The following GLIS3 variants were observed in gnomAD, a reference collection of about 807,000 sequenced individuals.
GLIS3 encodes the protein zinc finger protein GLIS3.
A neutral mutation model predicts 78.6 loss-of-function variants in GLIS3; 53 were observed. The ratio of observed to expected loss-of-function variants is 0.67; its 90% CI spans 0.54 to 0.85. GLIS3 has a LOEUF of 0.85. GLIS3 is among the 40% of genes least tolerant of loss of function. GLIS3 has a pLI of 0.00. For missense variants in GLIS3, 1,703 were observed against 1,231.1 expected (o/e 1.38, Z -5.74); for synonymous variants, 684 against 509.9 (o/e 1.34, Z -4.60).
At chr9:4,333,238 G>GAGGGGAAGGAAAGGAAA (rs149797439) in intron 2 of GLIS3, among the ~76,000 whole-genome samples, 98,390 of 144,774 alleles carry the variant, frequency 0.68, 34,526 homozygotes, top group Non-Finnish European at 0.78. Flanking sequence ...AGGAAAAGTG[G>GAGGGGAAGGAAAGGAAA]AGGGGAAGGA....
chr9:3,850,052 T>A (rs1563774002), intron 9 of GLIS3, among the ~76,000 whole-genome samples: 4 of 152,186 alleles, frequency 2.6e-5, no homozygotes, highest in Admixed American at 1.3e-4. Context: ...CTTTGAGAAA[T>A]CTAAAATTGG....
the GLIS3 span, among the ~76,000 whole-genome samples, chr9:4,374,873 A>G: frequency 6.6e-6 from 1 of 152,156 alleles, no homozygotes; most frequent in East Asian, 1.9e-4. Flanking sequence ...TGAATATACT[A>G]TTTTGCCATC....
the GLIS3 span, among the ~76,000 whole-genome samples, chr9:4,375,693 G>A: frequency 1.3e-5 from 2 of 152,160 alleles, no homozygotes; most frequent in African/African-American, 2.4e-5. Context: ...TTGTCTAGTG[G>A]CTTTTTAAAA....
chr9:3,981,344 G>C (rs778160176), intron 4 of GLIS3, among the ~76,000 whole-genome samples: 2 of 152,194 alleles, frequency 1.3e-5, no homozygotes, highest in Non-Finnish European at 2.9e-5. Context: ...ATTTGTCAGA[G>C]AGAAGTCGAC....
intron 2 of GLIS3, among the ~76,000 whole-genome samples, chr9:4,322,859 G>C (rs1189519917): frequency 1.3e-5 from 2 of 152,146 alleles, no homozygotes; most frequent in African/African-American, 4.8e-5. Context: ...CATTCTGTAG[G>C]TTGCCTGTTC....
rs1420497571 is a variant in GLIS3 at position 3,827,930 on chromosome 9, C to A, written c.*342G>T. 4 of 346,174 alleles carry A rather than the reference C, an allele frequency of 1.2e-5. No individual in the cohort carries two copies. The East Asian group carries it at 2.1e-4, about 18-fold the overall frequency. The allele number at this position is 346,174 out of a possible 1,614,324, so 21.4% of individuals were successfully genotyped here. ...TGGAGTTTTCAGGTAGAGTCATCCC[C>A]AAACTACATTTTCATATGCACATCA... On this transcript the variant is annotated 3_prime_UTR_variant, in exon 11 of 11. Coordinates refer to ENST00000381971, the MANE Select transcript of GLIS3 (RefSeq NM_001042413.2).
chr9:4,251,280 C>A (rs180921189), intron 2 of GLIS3, among the ~76,000 whole-genome samples: 4 of 152,312 alleles, frequency 2.6e-5, no homozygotes, highest in South Asian at 2.1e-4. Context: ...CTTTATGAAT[C>A]TGGGTCCTCC....
chr9:3,928,697 T>A (rs994165938), intron 6 of GLIS3, among the ~76,000 whole-genome samples: 1 of 152,230 alleles, frequency 6.6e-6, no homozygotes, highest in Non-Finnish European at 1.5e-5. Context: ...TAAATGTGTG[T>A]TGCATTCGCG....
the GLIS3 span, among the ~76,000 whole-genome samples, chr9:4,431,486 G>A: frequency 6.6e-6 from 1 of 152,234 alleles, no homozygotes; most frequent in Admixed American, 6.5e-5. Flanking sequence ...TCAGGGAGTC[G>A]GGATCTTTTC....
chr9:4,125,921 G>A lies in GLIS3; in HGVS notation c.409C>T (p.Gln137Ter), dbSNP rs777859324. Residue 137 changes from glutamine (Q) to a stop codon, truncating the protein, a stop_gained, in exon 3 of 11, where the codon CAG (glutamine) becomes TAG (stop). Transcript: ENST00000381971. LOFTEE classifies it high-confidence loss of function. ...PGKGALGFGP[Q>*]CKSIGKGSCN... ...CTGCCTTTTCCAATGGACTTGCACT[G>A]AGGCCCAAAGCCAAGAGCCCCTAAA... 1.9e-6 allele frequency: 3 copies of A among 1,613,854 alleles called. No individual in the cohort carries two copies. Among genetic ancestry groups the A allele is most frequent in the Non-Finnish European group, 2.5e-6 (3 of 1,179,908 alleles).
At chr9:4,300,718 T>G (rs969288796), upstream of GLIS3, among the ~76,000 whole-genome samples, 1 of 151,690 alleles carries the variant, frequency 6.6e-6, no homozygotes. Context: ...CCACCTAAGC[T>G]CTGACTCGCC....
chr9:4,252,571 A>G (rs1481521063), intron 2 of GLIS3, among the ~76,000 whole-genome samples: 3 of 151,936 alleles, frequency 2.0e-5, no homozygotes, highest in African/African-American at 7.3e-5. Context: ...CTTCCTCCAG[A>G]GGAGTTTGTT....
chr9:4,303,439 A>G (rs1385561979), upstream of GLIS3, among the ~76,000 whole-genome samples: 1 of 152,208 alleles, frequency 6.6e-6, no homozygotes, highest in Non-Finnish European at 1.5e-5. Flanking sequence ...ATTTCACATT[A>G]TGTTATCAGT....
At chr9:3,920,703 T>C (rs566213302) in intron 6 of GLIS3, among the ~76,000 whole-genome samples, 14 of 151,980 alleles carry the variant, frequency 9.2e-5, no homozygotes, top group African/African-American at 3.4e-4. Flanking sequence ...CCGATTTCTA[T>C]ATTTGCTTAT....
chr9:4,279,860 T>G (rs1311577499), intron 2 of GLIS3, among the ~76,000 whole-genome samples: 4 of 151,060 alleles, frequency 2.6e-5, no homozygotes, highest in Non-Finnish European at 4.4e-5. Flanking sequence ...GCTAAAGAGA[T>G]ATGACAACCA....
At chr9:3,973,097 G>A (rs1818509350) in intron 4 of GLIS3, among the ~76,000 whole-genome samples, 1 of 152,140 alleles carries the variant, frequency 6.6e-6, no homozygotes, top group African/African-American at 2.4e-5. Flanking sequence ...GTTTATTACA[G>A]AGAAAAAATA....
chr9:4,260,402 TAAA>T (rs1425090180), intron 2 of GLIS3, among the ~76,000 whole-genome samples: 1 of 151,652 alleles, frequency 6.6e-6, no homozygotes, highest in South Asian at 2.1e-4. Flanking sequence ...CCAACTCTAC[TAAA>T]AAAATACAAG....
At chr9:3,926,424 G>A (rs190867788) in intron 6 of GLIS3, among the ~76,000 whole-genome samples, 2 of 151,664 alleles carry the variant, frequency 1.3e-5, no homozygotes, top group East Asian at 2.0e-4. Flanking sequence ...AGAGACGGGG[G>A]TTTCACCATA....
rs1831978936 is a variant in GLIS3 at position 4,118,990 on chromosome 9, C to T, written c.597-109G>A. 33 of 1,163,254 alleles carry T rather than the reference C, an allele frequency of 2.8e-5. No individual in the cohort carries two copies. The highest frequency in any genetic ancestry group is 4.1e-5 in the Non-Finnish European group (33 of 812,348). The allele number at this position is 1,163,254 out of a possible 1,614,324, so 72.1% of individuals were successfully genotyped here. A position where few individuals can be genotyped will look rare whatever the true frequency, so the allele number is the denominator to read the frequency against. On this transcript the variant is annotated intron_variant, in intron 3 of 10. Coordinates refer to ENST00000381971, the MANE Select transcript of GLIS3 (RefSeq NM_001042413.2). The surrounding 1 kb of genome is among the most constrained non-coding windows in gnomAD (Gnocchi z 4.7). ...GCATTGACAATCCCTTAAGTATTTC[C>T]CCTAATTACATTCTGTGCTAAACAC... is the stretch of plus-strand genomic sequence containing the variant.
Sources: allele counts gnomAD v4.1 joint callset (sites outside exome capture counted in the v4.1 genomes callset), GRCh38; gene constraint gnomAD v4.1.1; non-coding constraint Gnocchi (gnomAD v3.1); transcripts MANE v1.5; gene names NCBI Gene and HGNC (gene_info 2026-07-23, HGNC 2026-07-21).